CDCA8: variants seen among roughly 807,000 people sequenced by gnomAD.
The protein encoded by CDCA8 is borealin.
A neutral mutation model predicts 40.0 loss-of-function variants in CDCA8; 25 were observed. That is an observed-to-expected ratio of 0.63 (90% CI 0.46 to 0.87). The LOEUF is 0.87. Ranked by LOEUF, CDCA8 falls within the 40% of genes least tolerant of loss-of-function variation. The pLI, the probability that CDCA8 is intolerant of heterozygous loss-of-function variation, is 0.00. For missense variants in CDCA8, 280 were observed against 348.4 expected (o/e 0.80, Z 1.56); for synonymous variants, 111 against 126.5 (o/e 0.88, Z 0.82).
intron 6 of CDCA8, among the ~76,000 whole-genome samples, chr1:37,702,549 T>C (rs1354754971): frequency 6.6e-6 from 1 of 152,142 alleles, no homozygotes; most frequent in Non-Finnish European, 1.5e-5. Flanking sequence ...TGCATGTCTG[T>C]GGAGGAGCGA....
intron 6 of CDCA8, among the ~76,000 whole-genome samples, chr1:37,702,468 T>G (rs982488574): frequency 3.3e-5 from 5 of 152,062 alleles, no homozygotes; most frequent in Admixed American, 6.5e-5. Flanking sequence ...TGGGCTTGAG[T>G]TGATTATACT....
chr1:37,706,045 G>A (rs1645598935), intron 8 of CDCA8, among the ~76,000 whole-genome samples: 1 of 150,520 alleles, frequency 6.6e-6, no homozygotes, highest in African/African-American at 2.5e-5. Context: ...GCTTGACCTC[G>A]TGATCCGCCC....
intron 9 of CDCA8, among the ~76,000 whole-genome samples, chr1:37,708,070 A>G (rs1012320595): frequency 2.0e-5 from 3 of 152,198 alleles, no homozygotes; most frequent in East Asian, 3.9e-4. Context: ...ACACACACCT[A>G]GCCACCCAAA....
chr1:37,705,537 C>T lies in CDCA8; in HGVS notation c.681C>T (p.Ile227=), dbSNP rs1258173529. ...GCCCTCTTGCTGACAGCAAAGAGAT[C>T]TTCCTCACTGTGCCAGTGGGCGGCG... ...NGSPLADSKE[I]FLTVPVGGGE... is the part of the protein sequence containing the mutation. The change falls in exon 8 of 10, where the codon ATC becomes ATT. Residue 227 remains isoleucine (I), a synonymous_variant. Coordinates refer to ENST00000373055, the MANE Select transcript of CDCA8 (RefSeq NM_001256875.2). 6.2e-7 allele frequency: 1 copy of T among 1,613,632 alleles called. No homozygotes were observed. Among genetic ancestry groups the T allele is most frequent in the Non-Finnish European group, 8.5e-7 (1 of 1,180,050 alleles).
intron 2 of CDCA8, 28 bp from the exon 3 acceptor site, chr1:37,695,882 A>G: frequency 6.2e-7 from 1 of 1,605,158 alleles, no homozygotes; most frequent in Non-Finnish European, 8.5e-7. Context: ...GTTAAAATGT[A>G]ATAGTAACTA....
At chr1:37,701,259 A>G (rs1038353422) in intron 5 of CDCA8, among the ~76,000 whole-genome samples, 36 of 152,198 alleles carry the variant, frequency 2.4e-4, no homozygotes, top group African/African-American at 8.2e-4. Context: ...GAGGGAGGGT[A>G]GAGAGAGGAG....
At chr1:37,706,268 C>T (rs567642306) in intron 8 of CDCA8, among the ~76,000 whole-genome samples, 13 of 152,224 alleles carry the variant, frequency 8.5e-5, no homozygotes, top group Admixed American at 6.5e-4. Flanking sequence ...CCACCACACC[C>T]GGCTAATTTT....
In CDCA8 at chr1:37,705,559, G is replaced by A. The variant is rs140308075; in HGVS notation, c.703G>A (p.Gly235Ser). ...GATCTTCCTCACTGTGCCAGTGGGCGGCGGAGAGGTGAAGTATTTCCAAGG... is the reference window on the plus strand; with the variant it reads ...GATCTTCCTCACTGTGCCAGTGGGCAGCGGAGAGGTGAAGTATTTCCAAGG... ...KEIFLTVPVG[G>S]GESLRLLASD... is the part of the protein sequence containing the mutation. Residue 235 changes from glycine (G) to serine (S), a missense_variant, in exon 8 of 10, where the codon GGC (glycine) becomes AGC (serine). Gly to Ser is a moderately conservative substitution (Grantham distance 56). Coordinates refer to ENST00000373055, the MANE Select transcript of CDCA8 (RefSeq NM_001256875.2). 126 of 1,613,036 alleles carry A rather than the reference G, an allele frequency of 7.8e-5. No homozygotes were observed. The African/African-American group carries it at 8.9e-4, about 11-fold the overall frequency.
In CDCA8 at chr1:37,707,018, T is replaced by C. The variant is rs1007163560; in HGVS notation, c.752T>C (p.Ile251Thr). The change falls in exon 9 of 10, where the codon ATT (isoleucine) becomes ACT (threonine). Residue 251 changes from isoleucine (I) to threonine (T), a missense_variant. Physicochemically the swap from Ile to Thr is moderately conservative, Grantham distance 89. Coordinates refer to ENST00000373055, the MANE Select transcript of CDCA8 (RefSeq NM_001256875.2). ...LLASDLQRHSIAQLDPEALGN... is the reference protein window; with the variant it reads ...LLASDLQRHSTAQLDPEALGN... ...GCCAGTGACTTGCAGAGGCACAGTA[T>C]TGCCCAGCTGGATCCAGAGGCCTTG... is the stretch of plus-strand genomic sequence containing the variant. 2 of 1,614,110 alleles carry C rather than the reference T, an allele frequency of 1.2e-6. No homozygotes were observed. The highest frequency in any genetic ancestry group is 1.7e-6 in the Non-Finnish European group (2 of 1,180,016).
Position 37,707,730 on chromosome 1 carries a change from G to T in CDCA8, c.799-592G>T, listed in dbSNP as rs552023979. 3.9e-5 allele frequency among the ~76,000 whole-genome samples: 6 copies of T among 152,356 alleles called. No individual in the cohort carries two copies. In the South Asian group the frequency reaches 1.0e-3, roughly 26 times the overall value. On this transcript the variant is annotated intron_variant, in intron 9 of 9. Coordinates refer to ENST00000373055, the MANE Select transcript of CDCA8 (RefSeq NM_001256875.2). ...TGCAGCTCAGGAGGCTCAGGTGAGA[G>T]AAATTGTTTGAGCCCATGAGTTCAA...
intron 5 of CDCA8, 83 bp downstream of exon 5, chr1:37,700,604 G>C (rs1268789563): frequency 2.5e-5 from 21 of 825,072 alleles, no homozygotes; most frequent in Middle Eastern, 2.3e-4. Flanking sequence ...TTGTACACCA[G>C]AGCTCACAGT....
intron 5 of CDCA8, among the ~76,000 whole-genome samples, chr1:37,700,816 G>A (rs767371442): frequency 3.9e-5 from 6 of 152,154 alleles, no homozygotes; most frequent in African/African-American, 1.4e-4. Flanking sequence ...TGGGGGAGGC[G>A]GAAAACTGAA....
intron 3 of CDCA8, among the ~76,000 whole-genome samples, chr1:37,697,420 A>G (rs896862129): frequency 2.6e-5 from 4 of 152,264 alleles, no homozygotes; most frequent in African/African-American, 4.8e-5. Flanking sequence ...AATGCTGTCT[A>G]CCAGAAAATC....
At chr1:37,699,756 A>T (rs960254336) in intron 4 of CDCA8, among the ~76,000 whole-genome samples, 3 of 151,840 alleles carry the variant, frequency 2.0e-5, no homozygotes, top group Non-Finnish European at 4.4e-5. Context: ...CGTCTCTACT[A>T]AAAAATACAA....
intron 3 of CDCA8, 63 bp from the exon 4 acceptor site, chr1:37,698,841 TG>T (rs1645543722): frequency 9.1e-7 from 1 of 1,100,594 alleles, no homozygotes; most frequent in Non-Finnish European, 1.4e-6. Flanking sequence ...GTTTTTATCT[TG>T]AAATATTGTT....
intron 3 of CDCA8, among the ~76,000 whole-genome samples, chr1:37,698,079 G>A (rs994506892): frequency 6.6e-6 from 1 of 152,176 alleles, no homozygotes; most frequent in Admixed American, 6.5e-5. Context: ...GAAGGACCCA[G>A]GATCATCATA....
chr1:37,693,438 GAGTGC>G (rs1421664388), intron 2 of CDCA8, among the ~76,000 whole-genome samples: 2 of 152,088 alleles, frequency 1.3e-5, no homozygotes, highest in African/African-American at 2.4e-5. Flanking sequence ...ACCCAGGCTG[GAGTGC>G]AGTGCAGTGC....
chr1:37,708,512 A>G lies in CDCA8; in HGVS notation c.*146A>G, dbSNP rs1365360537. On this transcript the variant is annotated 3_prime_UTR_variant, in exon 10 of 10. Coordinates refer to ENST00000373055, the MANE Select transcript of CDCA8 (RefSeq NM_001256875.2). ...GGGAATTCAGGAATTCAGACGTGCT[A>G]GTCCCACACCAGTTAGGTAGAGCTG... 1 of 757,554 alleles carries G rather than the reference A, an allele frequency of 1.3e-6. No individual in the cohort carries two copies. Among genetic ancestry groups the G allele is most frequent in the African/African-American group, 1.7e-5 (1 of 57,970 alleles). 46.9% of individuals were successfully genotyped at this position (757,554 alleles called of 1,614,324 possible).
At chr1:37,705,680 TG>T (rs1373055526) in intron 8 of CDCA8, 113 bp downstream of exon 8, 1 of 1,234,044 alleles carries the variant, frequency 8.1e-7, no homozygotes, top group African/African-American at 1.5e-5. Context: ...GCGTGGGTCC[TG>T]ATCTCCACAC....
Sources: gnomAD v4.1 joint callset for allele counts (sites outside exome capture counted in the v4.1 genomes callset) on GRCh38, gnomAD v4.1.1 for gene constraint, MANE v1.5 for transcripts, NCBI Gene and HGNC (gene_info 2026-07-23, HGNC 2026-07-21) for gene names.